ADARB2: variants seen among roughly 807,000 people sequenced by gnomAD.
The protein encoded by ADARB2 is inactive double-stranded RNA-specific editase B2.
ADARB2 carries 25 observed loss-of-function variants against 62.2 expected under a neutral mutation model. The observed-to-expected ratio is 0.40, with a 90% CI of 0.29 to 0.56. ADARB2 has a LOEUF of 0.56. ADARB2 is among the 20% of genes least tolerant of loss of function. The pLI, the probability that ADARB2 is intolerant of heterozygous loss-of-function variation, is 0.43. For synonymous variants in ADARB2, 572 were observed against 500.8 expected (o/e 1.14, Z -1.90); for missense variants, 1,071 against 1,077.4 (o/e 0.99, Z 0.08).
At chr10:1,228,998 G>A (rs967516741) in intron 6 of ADARB2, among the ~76,000 whole-genome samples, 1 of 152,260 alleles carries the variant, frequency 6.6e-6, no homozygotes, top group African/African-American at 2.4e-5. Flanking sequence ...TCAGAATCTC[G>A]GCCAGAGTGC....
intron 1 of ADARB2, chr10:1,678,164 C>T: frequency 1.0e-6 from 1 of 985,406 alleles, no homozygotes; most frequent in Non-Finnish European, 1.2e-6. Context: ...AGGGGTCGGT[C>T]ACCCAGCAAA....
intron 3 of ADARB2, among the ~76,000 whole-genome samples, chr10:1,300,679 C>T (rs1437404334): frequency 2.6e-5 from 4 of 152,162 alleles, no homozygotes; most frequent in Admixed American, 2.6e-4. Context: ...TTCATAGATG[C>T]TCAGTAAATA....
chr10:1,286,216 G>A (rs990046901), intron 3 of ADARB2, among the ~76,000 whole-genome samples: 4 of 152,116 alleles, frequency 2.6e-5, no homozygotes, highest in Non-Finnish European at 5.9e-5. Flanking sequence ...AACACACCCC[G>A]TCTAGACCCG....
chr10:1,500,762 T>G (rs1831758343), intron 1 of ADARB2, among the ~76,000 whole-genome samples: 1 of 152,236 alleles, frequency 6.6e-6, no homozygotes, highest in Admixed American at 6.5e-5. Flanking sequence ...ATTCTGACCT[T>G]TGCAAGATTC....
chr10:1,190,790 A>T (rs550199418), intron 8 of ADARB2, among the ~76,000 whole-genome samples: 2 of 152,336 alleles, frequency 1.3e-5, no homozygotes, highest in East Asian at 3.9e-4. Flanking sequence ...ATCATCTTCC[A>T]TCTCACGATC....
intron 3 of ADARB2, among the ~76,000 whole-genome samples, chr10:1,280,749 G>A (rs1229024970): frequency 2.0e-5 from 3 of 151,208 alleles, no homozygotes; most frequent in Admixed American, 6.6e-5. Flanking sequence ...GTGATGCTCC[G>A]TGAAATTCCT....
At chr10:1,726,542 T>C (rs768891424) in intron 1 of ADARB2, among the ~76,000 whole-genome samples, 32 of 152,274 alleles carry the variant, frequency 2.1e-4, no homozygotes, top group South Asian at 2.1e-4. Context: ...TGAGTGTGTA[T>C]CCTGCTTCAC....
chr10:1,414,835 G>C (rs1243249681), intron 1 of ADARB2, among the ~76,000 whole-genome samples: 3 of 152,236 alleles, frequency 2.0e-5, no homozygotes, highest in African/African-American at 7.2e-5. Flanking sequence ...GATGGATAGA[G>C]AGACAGCTGG....
intron 3 of ADARB2, among the ~76,000 whole-genome samples, chr10:1,350,612 A>G (rs1210417709): frequency 6.6e-6 from 1 of 152,094 alleles, no homozygotes; most frequent in Non-Finnish European, 1.5e-5. Context: ...ACCTCTCCCA[A>G]ATCAGTTAGC....
intron 8 of ADARB2, among the ~76,000 whole-genome samples, chr10:1,188,598 T>C (rs1488273596): frequency 6.9e-6 from 1 of 144,918 alleles, no homozygotes; most frequent in East Asian, 2.1e-4. Flanking sequence ...TTTTTTTTTT[T>C]TTCTTCTACC....
At chr10:1,564,204 AC>A (rs1832827610) in intron 1 of ADARB2, among the ~76,000 whole-genome samples, 1 of 152,222 alleles carries the variant, frequency 6.6e-6, no homozygotes, top group African/African-American at 2.4e-5. Flanking sequence ...AGGAATCGCC[AC>A]ACTGACTTCC....
intron 1 of ADARB2, among the ~76,000 whole-genome samples, chr10:1,564,120 A>T (rs1037465574): frequency 1.8e-4 from 28 of 152,104 alleles, no homozygotes; most frequent in African/African-American, 6.5e-4. Flanking sequence ...TAGCAACATG[A>T]TTTATAGTCC....
At chr10:1,615,626 G>A (rs370254224) in intron 1 of ADARB2, among the ~76,000 whole-genome samples, 1 of 152,258 alleles carries the variant, frequency 6.6e-6, no homozygotes, top group Non-Finnish European at 1.5e-5. Flanking sequence ...CTGGAAGGAT[G>A]TGTTTCTTCC....
intron 1 of ADARB2, among the ~76,000 whole-genome samples, chr10:1,448,589 G>C (rs572754788): frequency 6.6e-6 from 1 of 152,150 alleles, no homozygotes; most frequent in South Asian, 2.1e-4. Context: ...CATTTGCATG[G>C]TAATAGGGTG....
At chr10:1,400,698 G>C (rs1472822253) in intron 1 of ADARB2, among the ~76,000 whole-genome samples, 4 of 152,188 alleles carry the variant, frequency 2.6e-5, no homozygotes, top group Non-Finnish European at 2.9e-5. Context: ...AGGGGCTGGT[G>C]CCCGGGACGA....
At chr10:1,699,032 A>T (rs1834785671) in intron 1 of ADARB2, among the ~76,000 whole-genome samples, 1 of 152,250 alleles carries the variant, frequency 6.6e-6, no homozygotes, top group Non-Finnish European at 1.5e-5. Context: ...AAGTGCTGGG[A>T]TTACAGGCAT....
intron 1 of ADARB2, among the ~76,000 whole-genome samples, chr10:1,630,443 C>T (rs1833828504): frequency 1.3e-5 from 2 of 152,128 alleles, no homozygotes; most frequent in African/African-American, 4.8e-5. Flanking sequence ...AGGAAAGTGG[C>T]TTACCCTGTG....
chr10:1,669,491 C>T (rs1205693924), intron 1 of ADARB2, among the ~76,000 whole-genome samples: 1 of 151,486 alleles, frequency 6.6e-6, no homozygotes, highest in East Asian at 1.9e-4. Context: ...CACACACACT[C>T]ACAGGGAGAC....
intron 3 of ADARB2, among the ~76,000 whole-genome samples, chr10:1,289,060 G>A (rs1217859712): frequency 1.3e-5 from 2 of 152,136 alleles, no homozygotes; most frequent in Non-Finnish European, 2.9e-5. Context: ...AAAGACCTGA[G>A]TCCGATGAGA....
Sources: gnomAD v4.1 joint callset for allele counts (sites outside exome capture counted in the v4.1 genomes callset) on GRCh38, gnomAD v4.1.1 for gene constraint, MANE v1.5 for transcripts, NCBI Gene and HGNC (gene_info 2026-07-23, HGNC 2026-07-21) for gene names.